Variants in VAC14 observed in about 807,000 individuals in gnomAD.
The protein encoded by VAC14 is protein VAC14 homolog.
VAC14 carries 47 observed loss-of-function variants against 85.3 expected under a neutral mutation model. The ratio of observed to expected loss-of-function variants is 0.55; its 90% CI spans 0.44 to 0.70. The LOEUF (loss-of-function observed/expected upper bound fraction) is 0.70. Among genes scored for constraint, VAC14 ranks in the 30% least tolerant of loss-of-function variants. VAC14 has a pLI of 0.00. For missense variants in VAC14, 861 were observed against 1,004.3 expected (o/e 0.86, Z 1.93); for synonymous variants, 447 against 430.5 (o/e 1.04, Z -0.47).
Position 70,772,110 on chromosome 16 carries a change from T to C in VAC14, c.1159A>G (p.Ser387Gly), listed in dbSNP as rs753954052. The C allele has an allele frequency of 1.2e-6, 2 of 1,613,994 alleles. No individual in the cohort carries two copies. Among genetic ancestry groups the C allele is most frequent in the South Asian group, 1.1e-5 (1 of 91,064 alleles). The stretch of plus-strand genomic sequence containing the variant: ...TTCTGGCTGAAACAAGCCACTTACC[T>C]GGCTGCAGTGAAGACACTGATGCCG... ...SSGISVFTAA[S>G]TERAPVTLHL... Residue 387 changes from serine (S) to glycine (G), a missense_variant and splice_region_variant, in exon 10 of 19, where the codon AGC (serine) becomes GGC (glycine). Around this residue, in one of 3 missense-constraint regions of VAC14, gnomAD observed 629 missense variants for 703.1 expected, o/e 0.89. Transcript: ENST00000261776.
intron 18 of VAC14, chr16:70,688,749 G>T: frequency 2.0e-6 from 2 of 985,568 alleles, no homozygotes; most frequent in Non-Finnish European, 2.4e-6. Context: ...TGTGCATGAT[G>T]CTCCCTATAA....
At chr16:70,694,035 CCCTTTGGG>C (rs2053655576) in intron 17 of VAC14, among the ~76,000 whole-genome samples, 1 of 152,252 alleles carries the variant, frequency 6.6e-6, no homozygotes, top group Admixed American at 6.5e-5. Flanking sequence ...GTCCTTTCTT[CCCTTTGGG>C]CCTTTGGGAA....
intron 18 of VAC14, chr16:70,691,770 C>A (rs1010229193): frequency 9.1e-6 from 9 of 985,296 alleles, no homozygotes; most frequent in Non-Finnish European, 1.1e-5. Flanking sequence ...AGGTGCCCCA[C>A]ACTCAGCCAT....
At chr16:70,750,885 T>C (rs542455292) in intron 12 of VAC14, among the ~76,000 whole-genome samples, 14 of 152,102 alleles carry the variant, frequency 9.2e-5, no homozygotes, top group African/African-American at 2.7e-4. Context: ...TCCTTTACCA[T>C]CCTGGGAACA....
intron 14 of VAC14, 160 bp downstream of exon 14, chr16:70,731,335 T>C: frequency 1.4e-6 from 2 of 1,480,028 alleles, no homozygotes; most frequent in Non-Finnish European, 1.8e-6. Context: ...CAGCAACCAG[T>C]ATGAAGGGGC....
At chr16:70,766,619 C>A (rs1307182092) in intron 10 of VAC14, 3 of 437,354 alleles carry the variant, frequency 6.9e-6, no homozygotes, top group Non-Finnish European at 1.4e-5. Flanking sequence ...CGGGACCCAT[C>A]TGAGACCATG....
chr16:70,779,941 C>T (rs535804270), intron 9 of VAC14, among the ~76,000 whole-genome samples: 1 of 151,672 alleles, frequency 6.6e-6, no homozygotes, highest in African/African-American at 2.4e-5. Flanking sequence ...CTCCTGGGCT[C>T]AAGTGATCCT....
rs374882489 is a variant in VAC14, at chr16:70,703,127, T to C, written c.1662-4316A>G. 7.9e-5 allele frequency among the ~76,000 whole-genome samples: 12 copies of C among 152,342 alleles called. No individual in the cohort carries two copies. The East Asian group carries it at 2.3e-3, about 29-fold the overall frequency. ...GCGGAGGCCTGGCAGATGGCTGCCT[T>C]GCAGGGCTGCTGCATCATCACTTCT... On this transcript the variant is annotated intron_variant, in intron 14 of 18. Transcript: ENST00000261776.
At chr16:70,768,253 G>C (rs1398524284) in intron 10 of VAC14, 1 of 156,136 alleles carries the variant, frequency 6.4e-6, no homozygotes, top group Non-Finnish European at 1.4e-5. Context: ...ATTATACTGA[G>C]TTTAAAGATG....
At chr16:70,766,797 G>A (rs750036417) in intron 10 of VAC14, among the ~76,000 whole-genome samples, 20 of 152,098 alleles carry the variant, frequency 1.3e-4, no homozygotes, top group Non-Finnish European at 2.6e-4. Context: ...AGCTGCTGTC[G>A]GCTCCCAGCT....
At position 70,762,582 on chromosome 16, in the gene VAC14, G is replaced by C. The variant is rs1355015090; in HGVS notation, c.1329C>G (p.Leu443=). The change falls in exon 12 of 19, where the codon CTC becomes CTG. Residue 443 remains leucine, a synonymous_variant. Coordinates refer to ENST00000261776, the MANE Select transcript of VAC14 (RefSeq NM_018052.5). The surrounding 1 kb of genome is among the most constrained non-coding windows in gnomAD (Gnocchi z 4.1). ...PRKMFRHTDS[L]FPILLQTLSD... ...ATAACGTCTGCAGTAGGATGGGAAA[G>C]AGGCTGTCCGTGTGCCGGAACATCT... The C allele has an allele frequency of 5.6e-6, 9 of 1,614,194 alleles. No individual in the cohort carries two copies. In the South Asian group the frequency reaches 8.8e-5, roughly 16 times the overall value.
At chr16:70,740,828 G>T (rs2030209171) in intron 13 of VAC14, among the ~76,000 whole-genome samples, 1 of 152,228 alleles carries the variant, frequency 6.6e-6, no homozygotes, top group African/African-American at 2.4e-5. Flanking sequence ...TGCCTTCACC[G>T]CTCTGCGAGG....
At chr16:70,770,661 T>C (rs557468815) in intron 10 of VAC14, 1 of 152,256 alleles carries the variant, frequency 6.6e-6, no homozygotes, top group Non-Finnish European at 1.5e-5. Context: ...AGTAACTTCC[T>C]GGCTACTTCT....
At chr16:70,689,242 T>C (rs765273359) in intron 18 of VAC14, 89 of 984,982 alleles carry the variant, frequency 9.0e-5, no homozygotes, top group Non-Finnish European at 1.0e-4. Flanking sequence ...CTTGACACGA[T>C]GTGTAAGAGC....
intron 13 of VAC14, among the ~76,000 whole-genome samples, chr16:70,740,478 T>C (rs553701285): frequency 6.6e-5 from 10 of 152,356 alleles, no homozygotes; most frequent in Non-Finnish European, 1.3e-4. Flanking sequence ...AGGAAAGGCA[T>C]GTCTCTGACA....
rs201284720 is a variant in VAC14 at position 70,785,840 on chromosome 16, G to A, written c.285C>T (p.Ile95=). The A allele has an allele frequency of 4.4e-5, 71 of 1,601,628 alleles. No homozygotes were observed. Among genetic ancestry groups the A allele is most frequent in the Non-Finnish European group, 5.3e-5 (62 of 1,174,294 alleles). Residue 95 remains isoleucine, a synonymous_variant, in exon 3 of 19, where the codon ATC becomes ATT. Transcript: ENST00000261776. The part of the protein sequence containing the change: ...KDSGLYLKEL[I]EPVLTCFNDA... ...CATTGAAGCAGGTCAGCACTGGCTC[G>A]ATCAGCTCCTTCAGGTAGAGCCCTG... is the stretch of plus-strand genomic sequence containing the variant.
chr16:70,780,599 C>G (rs1322911711), intron 9 of VAC14, among the ~76,000 whole-genome samples, 191 bp downstream of exon 9: 1 of 152,226 alleles, frequency 6.6e-6, no homozygotes, highest in Non-Finnish European at 1.5e-5. Flanking sequence ...TGGTACTCAG[C>G]TTCCCTGTGT....
intron 14 of VAC14, among the ~76,000 whole-genome samples, chr16:70,721,132 G>T (rs921828450): frequency 1.3e-5 from 2 of 152,240 alleles, no homozygotes; most frequent in African/African-American, 4.8e-5. Context: ...CACCGTCAAA[G>T]TGCCAGGGAG....
chr16:70,790,708 C>A (rs1347582121), intron 1 of VAC14, among the ~76,000 whole-genome samples: 1 of 152,122 alleles, frequency 6.6e-6, no homozygotes, highest in Non-Finnish European at 1.5e-5. Flanking sequence ...TGTCTTCTTG[C>A]TTGGCACCAG....
Sources: allele counts gnomAD v4.1 joint callset (sites outside exome capture counted in the v4.1 genomes callset), GRCh38; gene constraint gnomAD v4.1.1; regional missense constraint gnomAD v4.1.1; non-coding constraint Gnocchi (gnomAD v3.1); transcripts MANE v1.5; gene names NCBI Gene and HGNC (gene_info 2026-07-23, HGNC 2026-07-21).